The following SLC25A26 variants were observed in gnomAD, a reference collection of about 807,000 sequenced individuals.
The protein encoded by SLC25A26 is mitochondrial S-adenosylmethionine carrier protein.
In SLC25A26, 36 loss-of-function variants were observed where a neutral mutation model predicts 37.8. That is an observed-to-expected ratio of 0.95 (90% CI 0.73 to 1.26). The LOEUF (loss-of-function observed/expected upper bound fraction) is 1.26, where lower values mean the gene tolerates loss of function less well. SLC25A26 is among the 50% of genes most tolerant of loss of function. The pLI is 0.00. For missense variants in SLC25A26, 390 were observed against 331.1 expected (o/e 1.18, Z -1.38); for synonymous variants, 129 against 122.5 (o/e 1.05, Z -0.35).
chr3:66,148,862 T>G (rs2070157986), intron 1 of SLC25A26, among the ~76,000 whole-genome samples: 1 of 152,156 alleles, frequency 6.6e-6, no homozygotes, highest in Admixed American at 6.6e-5. Context: ...CTGGACAAAA[T>G]AAACTTTACG....
intron 1 of SLC25A26, among the ~76,000 whole-genome samples, chr3:66,191,101 C>A (rs1476791934): frequency 6.6e-6 from 1 of 152,018 alleles, no homozygotes; most frequent in African/African-American, 2.4e-5. Flanking sequence ...TGGACATAAG[C>A]ACATATGAGT....
chr3:66,349,371 T>G (rs2076398499), intron 6 of SLC25A26, among the ~76,000 whole-genome samples: 2 of 152,160 alleles, frequency 1.3e-5, no homozygotes, highest in Admixed American at 6.5e-5. Flanking sequence ...ATGCCGTCAG[T>G]GCCCTTTCTG....
chr3:66,329,136 A>G (rs940212261), intron 5 of SLC25A26, among the ~76,000 whole-genome samples: 2 of 152,178 alleles, frequency 1.3e-5, no homozygotes, highest in Non-Finnish European at 2.9e-5. Context: ...TGGTTTTTAC[A>G]TTGGAATTTC....
intron 1 of SLC25A26, among the ~76,000 whole-genome samples, chr3:66,180,013 T>C (rs778142152): frequency 6.9e-6 from 1 of 144,374 alleles, no homozygotes; most frequent in Non-Finnish European, 1.6e-5. Context: ...CCGCCAGGAA[T>C]AGGGAGATGC....
intron 1 of SLC25A26, among the ~76,000 whole-genome samples, chr3:66,172,023 C>T (rs1263721713): frequency 2.0e-5 from 3 of 152,180 alleles, no homozygotes; most frequent in Non-Finnish European, 2.9e-5. Context: ...CCATCAACAT[C>T]CTGCGCTCCC....
intron 1 of SLC25A26, among the ~76,000 whole-genome samples, chr3:66,154,974 C>A (rs554645440): frequency 6.6e-6 from 1 of 152,344 alleles, no homozygotes; most frequent in East Asian, 1.9e-4. Context: ...TGCTGTCCAT[C>A]ATCTCAATTA....
intron 3 of SLC25A26, among the ~76,000 whole-genome samples, chr3:66,259,992 T>G (rs534617652): frequency 2.6e-5 from 4 of 152,318 alleles, no homozygotes; most frequent in Admixed American, 1.3e-4. Context: ...TGCCGCTGAT[T>G]CCCCTGAACA....
At chr3:66,199,417 C>T (rs928675020) in intron 1 of SLC25A26, among the ~76,000 whole-genome samples, 1 of 151,944 alleles carries the variant, frequency 6.6e-6, no homozygotes, top group East Asian at 1.9e-4. Flanking sequence ...TGACTATGAT[C>T]CTAACCCTTA....
intron 7 of SLC25A26, among the ~76,000 whole-genome samples, chr3:66,368,057 A>G (rs2076864044): frequency 6.6e-6 from 1 of 152,244 alleles, no homozygotes; most frequent in Non-Finnish European, 1.5e-5. Context: ...AGTCAGTGTC[A>G]TAATCAGTGT....
chr3:66,183,919 C>G (rs933148480), intron 1 of SLC25A26, among the ~76,000 whole-genome samples: 1 of 152,088 alleles, frequency 6.6e-6, no homozygotes, highest in African/African-American at 2.4e-5. Context: ...AATGTTGACT[C>G]TGACCCTTAC....
chr3:66,232,950 T>C (rs918694590), intron 1 of SLC25A26, among the ~76,000 whole-genome samples: 2 of 152,136 alleles, frequency 1.3e-5, no homozygotes, highest in East Asian at 3.9e-4. Flanking sequence ...AGTTCTGCAG[T>C]GAGGAAGATG....
At chr3:66,365,343 C>G (rs1342234381) in intron 7 of SLC25A26, among the ~76,000 whole-genome samples, 2 of 152,198 alleles carry the variant, frequency 1.3e-5, no homozygotes, top group Non-Finnish European at 2.9e-5. Flanking sequence ...TTGTAAACTA[C>G]TTGGCGCAAA....
chr3:66,287,927 TC>T (rs1306956540), intron 5 of SLC25A26, among the ~76,000 whole-genome samples: 1 of 152,258 alleles, frequency 6.6e-6, no homozygotes, highest in Non-Finnish European at 1.5e-5. Flanking sequence ...ACACTATCAC[TC>T]AAACGTTTGC....
chr3:66,339,362 G>T (rs1216667770), intron 5 of SLC25A26, among the ~76,000 whole-genome samples: 1 of 151,948 alleles, frequency 6.6e-6, no homozygotes, highest in East Asian at 1.9e-4. Context: ...CCACTCTGTG[G>T]CTTGCCTTTT....
At chr3:66,371,523 T>A in intron 9 of SLC25A26, 1 of 1,315,326 alleles carries the variant, frequency 7.6e-7, no homozygotes, top group Non-Finnish European at 9.8e-7. Context: ...TTGTTGAATG[T>A]GACAACTCTG....
At chr3:66,306,765 T>C (rs897745726) in intron 5 of SLC25A26, among the ~76,000 whole-genome samples, 2 of 152,224 alleles carry the variant, frequency 1.3e-5, no homozygotes, top group African/African-American at 4.8e-5. Context: ...TGTTTGGTTT[T>C]CTGTTCCTGT....
intron 1 of SLC25A26, among the ~76,000 whole-genome samples, chr3:66,200,053 A>G (rs932256182): frequency 1.3e-5 from 2 of 152,218 alleles, no homozygotes; most frequent in Admixed American, 6.5e-5. Context: ...TTTGCTGCTT[A>G]TTTTCAAATA....
chr3:66,355,928 G>C (rs1290908780), intron 6 of SLC25A26: 1 of 438,690 alleles, frequency 2.3e-6, no homozygotes, highest in African/African-American at 2.0e-5. Context: ...CTTAAATTTT[G>C]TCATGTGATG....
At chr3:66,198,192 G>A (rs1387770714) in intron 1 of SLC25A26, among the ~76,000 whole-genome samples, 1 of 152,004 alleles carries the variant, frequency 6.6e-6, no homozygotes, top group African/African-American at 2.4e-5. Context: ...CACTGTCTAG[G>A]TCAGGGTGTT....
Sources: gnomAD v4.1 joint callset for allele counts (sites outside exome capture counted in the v4.1 genomes callset) on GRCh38, gnomAD v4.1.1 for gene constraint, MANE v1.5 for transcripts, NCBI Gene and HGNC (gene_info 2026-07-23, HGNC 2026-07-21) for gene names.